ERBB3: variants seen among roughly 807,000 people sequenced by gnomAD.
The protein encoded by ERBB3 is receptor tyrosine-protein kinase erbB-3.
A neutral mutation model predicts 156.7 loss-of-function variants in ERBB3; 96 were observed. That is an observed-to-expected ratio of 0.61 (90% CI 0.52 to 0.73). The LOEUF (loss-of-function observed/expected upper bound fraction) is 0.73, where lower values mean the gene tolerates loss of function less well. Among genes scored for constraint, ERBB3 ranks in the 30% least tolerant of loss-of-function variants. The pLI is 0.00. For synonymous variants in ERBB3, 567 were observed against 632.0 expected, an observed-to-expected ratio of 0.90 and a Z score of 1.54; for missense variants, 1,406 against 1,709.4, an observed-to-expected ratio of 0.82 and a Z score of 3.13.
chr12:56,102,228 G>A lies in ERBB3; in HGVS notation c.*173G>A. On this transcript the variant is annotated 3_prime_UTR_variant, in exon 28 of 28. Coordinates refer to ENST00000267101, the MANE Select transcript of ERBB3 (RefSeq NM_001982.4). ...AACATTTTGACACAAAATTCTTATG[G>A]TATGTAGCCAGCTGTGCACTTTCTT... The A allele has an allele frequency of 3.1e-6, 2 of 649,640 alleles. No individual in the cohort carries two copies. The highest frequency in any genetic ancestry group is 1.8e-5 in the South Asian group (1 of 55,538). The allele number at this position is 649,640 out of a possible 1,614,324, so 40.2% of individuals were successfully genotyped here.
intron 16 of ERBB3, 71 bp from the exon 17 acceptor site, chr12:56,095,594 C>G: frequency 6.3e-7 from 1 of 1,575,760 alleles, no homozygotes; most frequent in South Asian, 1.1e-5. Context: ...ATACCTTCAA[C>G]ACAAGTATAG....
chr12:56,087,051 T>G (rs1868509262), intron 4 of ERBB3, among the ~76,000 whole-genome samples: 1 of 151,114 alleles, frequency 6.6e-6, no homozygotes. Context: ...GGCAGAGGAT[T>G]GCTTGAGCCC....
intron 9 of ERBB3, among the ~76,000 whole-genome samples, chr12:56,089,685 CA>C (rs1341546470): frequency 5.3e-5 from 8 of 151,368 alleles, no homozygotes; most frequent in Admixed American, 4.6e-4. Flanking sequence ...GCGGAAATTG[CA>C]GTGAACCGAG....
At position 56,102,382 on chromosome 12, in the gene ERBB3, G is replaced by A. The variant is rs955176131; in HGVS notation, c.*327G>A. On this transcript the variant is annotated 3_prime_UTR_variant, in exon 28 of 28. Coordinates refer to ENST00000267101, the MANE Select transcript of ERBB3 (RefSeq NM_001982.4). The stretch of plus-strand genomic sequence containing the variant: ...CCATATCCCTTCCTCTCAGGCTCTT[G>A]ACTACTTGGAACTAGGCTCTTATGT... 2.8e-6 allele frequency: 1 copy of A among 353,132 alleles called. No homozygotes were observed. 21.9% of individuals were successfully genotyped at this position (353,132 alleles called of 1,614,324 possible). A position where few individuals can be genotyped will look rare whatever the true frequency, so the allele number is the denominator to read the frequency against.
chr12:56,100,907 C>A (rs1869068563), intron 26 of ERBB3, among the ~76,000 whole-genome samples, 154 bp from the exon 27 acceptor site: 1 of 139,528 alleles, frequency 7.2e-6, no homozygotes. Context: ...CCACTGCACT[C>A]CAGCCTGGGC....
At chr12:56,080,951 C>A (rs1312606819) in intron 1 of ERBB3, among the ~76,000 whole-genome samples, 2 of 152,220 alleles carry the variant, frequency 1.3e-5, no homozygotes, top group Non-Finnish European at 2.9e-5. Context: ...GGGCCAAGTT[C>A]AGGTGACATC....
chr12:56,083,594 T>G (rs1868384588), intron 1 of ERBB3, 157 bp from the exon 2 acceptor site: 4 of 771,812 alleles, frequency 5.2e-6, no homozygotes, highest in Non-Finnish European at 9.2e-6. Context: ...CCACTACAGC[T>G]TCTGCCTATC....
In ERBB3 at chr12:56,093,451, C is replaced by T. The variant is rs756039555; in HGVS notation, c.1381C>T (p.Gln461Ter). ...AGRIYISANR[Q>*]LCYHHSLNWT... ...GCGTATCTATATAAGTGCCAATAGG[C>T]AGCTCTGCTACCACCACTCTTTGAA... The change falls in exon 12 of 28, where the codon CAG becomes TAG. Residue 461 changes from glutamine (Q) to a stop codon, truncating the protein, a stop_gained. Coordinates refer to ENST00000267101, the MANE Select transcript of ERBB3 (RefSeq NM_001982.4). LOFTEE classifies it high-confidence loss of function. 6.2e-7 allele frequency: 1 copy of T among 1,613,924 alleles called. No homozygotes were observed. Among genetic ancestry groups the T allele is most frequent in the Non-Finnish European group, 8.5e-7 (1 of 1,179,890 alleles).
chr12:56,098,399 G>A lies in ERBB3; in HGVS notation c.2617-101G>A, dbSNP rs1027747751. 5.0e-4 allele frequency: 461 copies of A among 913,306 alleles called. 2 individuals carry two copies. Among genetic ancestry groups the A allele is most frequent in the Middle Eastern group, 9.7e-4 (3 of 3,102 alleles). 56.6% of individuals were successfully genotyped at this position (913,306 alleles called of 1,614,324 possible). A position where few individuals can be genotyped will look rare whatever the true frequency, so the allele number is the denominator to read the frequency against. ...TGCACTCCAGTCTGGGCGACAGAGC[G>A]AGACTCCGTCTCAAAAAAAAAAAAA... On this transcript the variant is annotated intron_variant, in intron 21 of 27. Transcript: ENST00000267101.
At chr12:56,084,652 C>T (rs1868414203) in intron 2 of ERBB3, among the ~76,000 whole-genome samples, 1 of 148,458 alleles carries the variant, frequency 6.7e-6, no homozygotes, top group African/African-American at 2.5e-5. Flanking sequence ...AGTTCGAGAC[C>T]AGCCTGACCA....
In ERBB3 at chr12:56,080,332, G is replaced by T. The variant is rs1287546945; in HGVS notation, c.32G>T (p.Gly11Val). 1.9e-6 allele frequency: 3 copies of T among 1,589,148 alleles called. No homozygotes were observed. Among genetic ancestry groups the T allele is most frequent in the Non-Finnish European group, 2.6e-6 (3 of 1,166,866 alleles). MRANDALQVL[G>V]LLFSLARGSE... ...GCGAACGACGCTCTGCAGGTGCTGG[G>T]CTTGCTTTTCAGCCTGGCCCGGGGC... The change falls in exon 1 of 28, where the codon GGC becomes GTC. Residue 11 changes from glycine (G) to valine (V), a missense_variant. Around this residue, in one of 3 missense-constraint regions of ERBB3, gnomAD observed 979 missense variants for 1,219.6 expected, o/e 0.80. Transcript: ENST00000267101.
At chr12:56,094,379 C>CT in intron 14 of ERBB3, 23 bp from the exon 15 acceptor site, 2 of 1,614,030 alleles carry the variant, frequency 1.2e-6, no homozygotes, top group East Asian at 4.5e-5. Flanking sequence ...CTGATTCTTC[C>CT]TGACCTTCTC....
Position 56,101,553 on chromosome 12 carries a change from C to A in ERBB3, c.3527C>A (p.Thr1176Asn), listed in dbSNP as rs375222170. ...GGTACTCCCTCCTCCCGGGAAGGCACCCTTTCTTCAGTGGGTCTCAGTTCT... is the reference window on the plus strand; with the variant it reads ...GGTACTCCCTCCTCCCGGGAAGGCAACCTTTCTTCAGTGGGTCTCAGTTCT... ...LKGTPSSREGTLSSVGLSSVL... is the reference protein window; with the variant it reads ...LKGTPSSREGNLSSVGLSSVL... The change falls in exon 28 of 28, where the codon ACC (threonine) becomes AAC (asparagine). Residue 1176 changes from threonine to asparagine, a missense_variant. By Grantham distance (65) the Thr-to-Asn change is moderately conservative. Transcript: ENST00000267101. 4 of 1,614,028 alleles carry A rather than the reference C, an allele frequency of 2.5e-6. No individual in the cohort carries two copies. Among genetic ancestry groups the A allele is most frequent in the Non-Finnish European group, 3.4e-6 (4 of 1,180,008 alleles).
In ERBB3 at chr12:56,101,842, T is replaced by C. The variant is rs748730380; in HGVS notation, c.3816T>C (p.Pro1272=). ...ATCGGCAACGAGATGGAGGTGGTCCTGGGGGTGATTATGCAGCCATGGGGG... is the reference window on the plus strand; with the variant it reads ...ATCGGCAACGAGATGGAGGTGGTCCCGGGGGTGATTATGCAGCCATGGGGG... ...YMNRQRDGGG[P]GGDYAAMGAC... Residue 1272 remains proline, a synonymous_variant, in exon 28 of 28, where the codon CCT becomes CCC. Coordinates refer to ENST00000267101, the MANE Select transcript of ERBB3 (RefSeq NM_001982.4). The C allele has an allele frequency of 1.9e-6, 3 of 1,612,514 alleles. No homozygotes were observed. The highest frequency in any genetic ancestry group is 1.1e-5 in the South Asian group (1 of 90,968).
chr12:56,094,607 C>T (rs1255935561), intron 15 of ERBB3, 51 bp downstream of exon 15: 4 of 1,594,104 alleles, frequency 2.5e-6, no homozygotes, highest in Non-Finnish European at 3.4e-6. Context: ...GGTAGGAGCA[C>T]AGAACTAGAG....
intron 12 of ERBB3, 93 bp from the exon 13 acceptor site, chr12:56,093,671 G>T: frequency 1.3e-6 from 2 of 1,582,904 alleles, no homozygotes. Context: ...GAAGGGGGCT[G>T]TTAGGCTGGA....
At chr12:56,088,285 C>T in intron 7 of ERBB3, 123 bp downstream of exon 7, 1 of 1,074,746 alleles carries the variant, frequency 9.3e-7, no homozygotes, top group Non-Finnish European at 1.4e-6. Context: ...TGGTTATGAT[C>T]ATCTAACCAC....
intron 1 of ERBB3, chr12:56,083,220 T>C (rs769562624): frequency 2.5e-5 from 5 of 198,326 alleles, no homozygotes; most frequent in Admixed American, 5.3e-5. Flanking sequence ...AATCGCCTCA[T>C]TGTGGGCTGG....
chr12:56,102,979 A>G lies in ERBB3; in HGVS notation c.*924A>G, dbSNP rs1869176767. ...CTGTCTCTACAGGGGAAAAAAAAAA[A>G]AGAAACTGAGCCTTAAAGAGATGAA... is the stretch of plus-strand genomic sequence containing the variant. On this transcript the variant is annotated 3_prime_UTR_variant, in exon 28 of 28. Transcript: ENST00000267101. 8.7e-6 allele frequency: 2 copies of G among 230,412 alleles called. No homozygotes were observed. The highest frequency in any genetic ancestry group is 5.7e-5 in the Admixed American group (1 of 17,670). 14.3% of individuals were successfully genotyped at this position (230,412 alleles called of 1,614,324 possible). A position where few individuals can be genotyped will look rare whatever the true frequency, so the allele number is the denominator to read the frequency against.
Sources: gnomAD v4.1 joint callset for allele counts (sites outside exome capture counted in the v4.1 genomes callset) on GRCh38, gnomAD v4.1.1 for gene constraint, gnomAD v4.1.1 regional missense constraint, MANE v1.5 for transcripts, NCBI Gene and HGNC (gene_info 2026-07-23, HGNC 2026-07-21) for gene names.